The following TNIK variants were observed in gnomAD, a reference collection of about 807,000 sequenced individuals.
TNIK encodes TRAF2 and NCK interacting kinase.
In TNIK, 49 loss-of-function variants were observed where a neutral mutation model predicts 191.3. The ratio of observed to expected loss-of-function variants is 0.26; its 90% CI spans 0.20 to 0.32. The LOEUF is 0.32. Ranked by LOEUF, TNIK falls within the 10% of genes least tolerant of loss-of-function variation. The pLI, the probability that TNIK is intolerant of heterozygous loss-of-function variation, is 1.00. For synonymous variants in TNIK, 594 were observed against 600.9 expected (o/e 0.99, Z 0.17); for missense variants, 1,155 against 1,702.3 (o/e 0.68, Z 5.66).
chr3:171,202,977 C>G (rs1221906324), intron 4 of TNIK, among the ~76,000 whole-genome samples: 1 of 152,238 alleles, frequency 6.6e-6, no homozygotes, highest in East Asian at 1.9e-4. Context: ...ATAAAAGTAA[C>G]AAACACTAAT....
At chr3:171,177,960 T>A (rs1277788304) in intron 7 of TNIK, among the ~76,000 whole-genome samples, 1 of 152,274 alleles carries the variant, frequency 6.6e-6, no homozygotes, top group African/African-American at 2.4e-5. Flanking sequence ...TCACATCATA[T>A]GTGGTCTTAT....
intron 1 of TNIK, among the ~76,000 whole-genome samples, chr3:171,391,629 T>G (rs757844844): frequency 1.3e-5 from 2 of 152,208 alleles, no homozygotes; most frequent in African/African-American, 2.4e-5. Flanking sequence ...TTGCCACAAT[T>G]TATTGTTCTT....
chr3:171,363,162 A>C (rs1277013172), intron 2 of TNIK, among the ~76,000 whole-genome samples: 1 of 152,176 alleles, frequency 6.6e-6, no homozygotes, highest in African/African-American at 2.4e-5. Flanking sequence ...TATATCTTGC[A>C]ATGCACAGTA....
In TNIK at chr3:171,087,383, G is replaced by A. The variant is rs369860165; in HGVS notation, c.2845C>T (p.Arg949Cys). The change falls in exon 24 of 33, where the codon CGC becomes TGC. Residue 949 changes from arginine to cysteine, a missense_variant. By Grantham distance (180) the Arg-to-Cys change is radical. This residue lies in a region of TNIK where 735 missense variants were observed against 848.0 expected (regional missense o/e 0.87). Coordinates refer to ENST00000436636, the MANE Select transcript of TNIK (RefSeq NM_015028.4). ...PAGTPTEGLG[R>C]VSTHSQEMDS... ...ATCTCCTGGGAATGGGTTGAGACGCGCCCCAGTCCCTCAGTCGGGGTTCCA... is the reference window on the plus strand; with the variant it reads ...ATCTCCTGGGAATGGGTTGAGACGCACCCCAGTCCCTCAGTCGGGGTTCCA... The A allele has an allele frequency of 2.2e-5, 35 of 1,613,796 alleles. No individual in the cohort carries two copies. The highest frequency in any genetic ancestry group is 4.5e-5 in the East Asian group (2 of 44,896).
chr3:171,139,333 A>AT, intron 14 of TNIK, 137 bp downstream of exon 14: 1 of 744,094 alleles, frequency 1.3e-6, no homozygotes, highest in East Asian at 2.6e-5. Context: ...GGCTTAGAAG[A>AT]TCCCCTCTTC....
intron 18 of TNIK, among the ~76,000 whole-genome samples, chr3:171,120,097 G>A (rs912289254): frequency 7.2e-5 from 11 of 152,182 alleles, no homozygotes; most frequent in African/African-American, 1.4e-4. Context: ...CAGGTATACC[G>A]TTGCATACTG....
chr3:171,239,007 A>T (rs918721022), intron 2 of TNIK, among the ~76,000 whole-genome samples: 9 of 152,214 alleles, frequency 5.9e-5, no homozygotes, highest in African/African-American at 2.2e-4. Context: ...CTAAATTTTT[A>T]AAAAACCTAA....
At chr3:171,122,987 A>T (rs142957234) in intron 18 of TNIK, among the ~76,000 whole-genome samples, 6 of 152,232 alleles carry the variant, frequency 3.9e-5, no homozygotes, top group Non-Finnish European at 8.8e-5. Context: ...AGGAATGTAC[A>T]TTATTGATAG....
At chr3:171,285,871 C>G (rs568815376) in intron 2 of TNIK, among the ~76,000 whole-genome samples, 1 of 152,088 alleles carries the variant, frequency 6.6e-6, no homozygotes, top group African/African-American at 2.4e-5. Flanking sequence ...CTGATGTAGT[C>G]GGAGAGTTGA....
intron 15 of TNIK, among the ~76,000 whole-genome samples, chr3:171,132,992 AG>A (rs767757285): frequency 2.8e-4 from 42 of 152,340 alleles, no homozygotes; most frequent in Admixed American, 2.0e-3. Flanking sequence ...AGTGCTCCTT[AG>A]ATACTTTGAC....
intron 18 of TNIK, among the ~76,000 whole-genome samples, chr3:171,122,487 C>T (rs368349048): frequency 1.3e-3 from 193 of 152,314 alleles, no homozygotes; most frequent in African/African-American, 4.4e-3. Flanking sequence ...GAGCCTCTTG[C>T]AATTGGTAAT....
At chr3:171,104,151 T>TCTCGCC (rs1576819162) in intron 21 of TNIK, among the ~76,000 whole-genome samples, 1 of 152,080 alleles carries the variant, frequency 6.6e-6, no homozygotes, top group African/African-American at 2.4e-5. Context: ...TAATGAATAA[T>TCTCGCC]TCCAAAGTAA....
At chr3:171,166,855 A>G (rs760395067) in intron 10 of TNIK, among the ~76,000 whole-genome samples, 3 of 152,204 alleles carry the variant, frequency 2.0e-5, no homozygotes, top group Non-Finnish European at 2.9e-5. Context: ...ATTCAACATG[A>G]CTTTGTTCAG....
chr3:171,299,020 G>GA (rs1752614691), intron 2 of TNIK, among the ~76,000 whole-genome samples: 1 of 152,048 alleles, frequency 6.6e-6, no homozygotes, highest in Admixed American at 6.5e-5. Flanking sequence ...GTCTTGGTGG[G>GA]ATGCCCTGAA....
intron 2 of TNIK, among the ~76,000 whole-genome samples, chr3:171,343,841 T>C (rs762857342): frequency 6.6e-6 from 1 of 152,172 alleles, no homozygotes; most frequent in Non-Finnish European, 1.5e-5. Context: ...TGTTTGGTGG[T>C]TTACCCAAAA....
chr3:171,444,584 A>AG (rs1727245892), intron 1 of TNIK, among the ~76,000 whole-genome samples: 1 of 151,912 alleles, frequency 6.6e-6, no homozygotes, highest in African/African-American at 2.4e-5. Context: ...TAAAAAAAAA[A>AG]AAAAAAAGAA....
At chr3:171,294,500 C>A (rs1164885561) in intron 2 of TNIK, among the ~76,000 whole-genome samples, 1 of 152,020 alleles carries the variant, frequency 6.6e-6, no homozygotes, top group African/African-American at 2.4e-5. Flanking sequence ...GTGGGTGGAT[C>A]TCTTGAGGCC....
chr3:171,357,743 C>T (rs902204804), intron 2 of TNIK, among the ~76,000 whole-genome samples: 1 of 152,030 alleles, frequency 6.6e-6, no homozygotes, highest in Non-Finnish European at 1.5e-5. Flanking sequence ...CTGCCTGAAC[C>T]AAGTGTTAAG....
intron 2 of TNIK, among the ~76,000 whole-genome samples, chr3:171,270,656 C>G (rs979784903): frequency 1.3e-5 from 2 of 152,136 alleles, no homozygotes; most frequent in Non-Finnish European, 2.9e-5. Context: ...TCTCACTCCT[C>G]TCTCACCCCT....
Sources: allele counts gnomAD v4.1 joint callset (sites outside exome capture counted in the v4.1 genomes callset), GRCh38; gene constraint gnomAD v4.1.1; regional missense constraint gnomAD v4.1.1; transcripts MANE v1.5; gene names NCBI Gene and HGNC (gene_info 2026-07-23, HGNC 2026-07-21).